Variants in KANSL2 observed in about 807,000 individuals in gnomAD.
KANSL2 encodes KAT8 regulatory NSL complex subunit 2.
A neutral mutation model predicts 55.6 loss-of-function variants in KANSL2; 34 were observed. The observed-to-expected ratio is 0.61, with a 90% confidence interval of 0.46 to 0.81. The LOEUF is 0.81. Ranked by LOEUF, KANSL2 falls within the 40% of genes least tolerant of loss-of-function variation. KANSL2 has a pLI of 0.00. For synonymous variants in KANSL2, 209 were observed against 214.3 expected (o/e 0.98, Z 0.22); for missense variants, 502 against 609.9 (o/e 0.82, Z 1.86).
Position 48,653,986 on chromosome 12 carries a change from T to C in KANSL2, c.*58A>G. ...GTGTTTTGTGAGAGATGATCAGAAA[T>C]ACTTCTTTGAAGAACGAGAAATTTA... On this transcript the variant is annotated 3_prime_UTR_variant, in exon 10 of 10. Coordinates refer to ENST00000420613, the MANE Select transcript of KANSL2 (RefSeq NM_017822.4). 1 of 1,489,988 alleles carries C rather than the reference T, an allele frequency of 6.7e-7. No individual in the cohort carries two copies. The highest frequency in any genetic ancestry group is 9.0e-7 in the Non-Finnish European group (1 of 1,112,608). 92.3% of individuals were successfully genotyped at this position (1,489,988 alleles called of 1,614,324 possible).
intron 7 of KANSL2, chr12:48,662,757 CATT>C: frequency 1.4e-6 from 1 of 695,618 alleles, no homozygotes; most frequent in South Asian, 2.2e-5. Context: ...TTTTCAAATA[CATT>C]TTCAATTTTG....
In KANSL2 at chr12:48,681,683, C is replaced by T. The variant is rs749169638; in HGVS notation, c.-9-42G>A. On this transcript the variant is annotated intron_variant, in intron 1 of 9. Transcript: ENST00000420613. ...AAGACCAAAAAGCCCTTACCCTTCCCGAAAATTCCTGCTCCACACAGATCG... is the reference window on the plus strand; with the variant it reads ...AAGACCAAAAAGCCCTTACCCTTCCTGAAAATTCCTGCTCCACACAGATCG... 3.1e-6 allele frequency: 5 copies of T among 1,612,820 alleles called. No individual in the cohort carries two copies. In the South Asian group the frequency reaches 4.4e-5, roughly 14 times the overall value.
chr12:48,664,039 C>T (rs1320144097), intron 7 of KANSL2, among the ~76,000 whole-genome samples: 2 of 151,040 alleles, frequency 1.3e-5, no homozygotes, highest in East Asian at 2.0e-4. Flanking sequence ...CTCAGCCTCC[C>T]GAGTAGCTGG....
intron 7 of KANSL2, chr12:48,662,544 G>A: frequency 7.9e-7 from 1 of 1,260,266 alleles, no homozygotes; most frequent in Middle Eastern, 2.2e-4. Context: ...TAAAAAGAAG[G>A]GAATGGTTAA....
At chr12:48,654,480 A>G (rs201140554) in intron 9 of KANSL2, 2 of 652,462 alleles carry the variant, frequency 3.1e-6, no homozygotes, top group African/African-American at 3.6e-5. Context: ...CTTGAAACCA[A>G]CAGCCACAGT....
chr12:48,658,442 G>A (rs746663598), intron 8 of KANSL2, among the ~76,000 whole-genome samples: 3 of 152,106 alleles, frequency 2.0e-5, no homozygotes, highest in African/African-American at 4.8e-5. Flanking sequence ...AAAAATTGAA[G>A]TATCAGGATA....
intron 1 of KANSL2, chr12:48,681,983 C>G (rs1404748007): frequency 1.4e-6 from 1 of 702,978 alleles, no homozygotes; most frequent in East Asian, 2.7e-5. Flanking sequence ...TCAGAGCGCA[C>G]GACTGGGCCT....
At chr12:48,679,384 T>G in intron 3 of KANSL2, 1 of 616,402 alleles carries the variant, frequency 1.6e-6, no homozygotes, top group South Asian at 1.9e-5. Context: ...AAAAATCAAC[T>G]TAAAATTACT....
At chr12:48,669,057 CAATA>C in intron 6 of KANSL2, 45 bp downstream of exon 6, 2 of 1,386,878 alleles carry the variant, frequency 1.4e-6, no homozygotes, top group Non-Finnish European at 1.9e-6. Context: ...AAAATAAAAA[CAATA>C]AATAAAGTGA....
intron 8 of KANSL2, among the ~76,000 whole-genome samples, chr12:48,659,139 C>G (rs923843012): frequency 1.3e-5 from 2 of 151,548 alleles, no homozygotes; most frequent in African/African-American, 4.9e-5. Flanking sequence ...ACAAAAAATA[C>G]AAAAATCAGC....
At chr12:48,667,074 G>A (rs975274644) in intron 7 of KANSL2, among the ~76,000 whole-genome samples, 3 of 151,714 alleles carry the variant, frequency 2.0e-5, no homozygotes, top group Non-Finnish European at 4.4e-5. Context: ...CCAGCTACTC[G>A]GAGAATCGCT....
chr12:48,661,435 C>T (rs1939486300), intron 7 of KANSL2, among the ~76,000 whole-genome samples: 2 of 152,138 alleles, frequency 1.3e-5, no homozygotes, highest in Non-Finnish European at 2.9e-5. Flanking sequence ...ATTCAAGTTA[C>T]TTTACAAAAC....
Position 48,679,168 on chromosome 12 carries a change from G to C in KANSL2, c.431-18C>G. 6.4e-7 allele frequency: 1 copy of C among 1,565,046 alleles called. No homozygotes were observed. Among genetic ancestry groups the C allele is most frequent in the Non-Finnish European group, 8.8e-7 (1 of 1,137,702 alleles). On this transcript the variant is annotated intron_variant, in intron 3 of 9. Transcript: ENST00000420613. ...GTCTTCATCTGAGGCAAGGAAGGGA[G>C]AGCAGCCATTAAGACTTCCCACCTC... is the stretch of plus-strand genomic sequence containing the variant.
rs1939875254 is a variant in KANSL2 at position 48,679,166 on chromosome 12, G to A, written c.431-16C>T. 6 of 1,574,596 alleles carry A rather than the reference G, an allele frequency of 3.8e-6. No individual in the cohort carries two copies. The highest frequency in any genetic ancestry group is 1.3e-5 in the African/African-American group (1 of 74,084). On this transcript the variant is annotated splice_polypyrimidine_tract_variant and intron_variant, in intron 3 of 9. Transcript: ENST00000420613. ...CTGTCTTCATCTGAGGCAAGGAAGGGAGAGCAGCCATTAAGACTTCCCACC... is the reference window on the plus strand; with the variant it reads ...CTGTCTTCATCTGAGGCAAGGAAGGAAGAGCAGCCATTAAGACTTCCCACC...
intron 4 of KANSL2, among the ~76,000 whole-genome samples, chr12:48,673,907 C>A (rs140023820): frequency 6.7e-6 from 1 of 149,784 alleles, no homozygotes; most frequent in Non-Finnish European, 1.5e-5. Flanking sequence ...GCTGAGATGG[C>A]GCCACTGCAC....
Position 48,681,408 on chromosome 12 carries a change from A to T in KANSL2, c.225T>A (p.Ala75=). ...STKNGKRCPN[A]APKPEKKDGV... is the part of the protein sequence containing the mutation. ...CATCTTTCTTCTCTGGCTTTGGGGC[A>T]GCATTGGGACATCTTTTTCCATTCT... Residue 75 remains alanine, a synonymous_variant, in exon 2 of 10, where the codon GCT becomes GCA. Transcript: ENST00000420613. 2 of 1,613,686 alleles carry T rather than the reference A, an allele frequency of 1.2e-6. No homozygotes were observed. Among genetic ancestry groups the T allele is most frequent in the Non-Finnish European group, 1.7e-6 (2 of 1,179,732 alleles).
In KANSL2 at chr12:48,665,239, A is replaced by T. The variant is rs1939572181; in HGVS notation, c.973+2454T>A. Among the ~76,000 whole-genome samples the T allele has an allele frequency of 2.6e-5, 4 of 152,212 alleles. No homozygotes were observed. The South Asian group carries it at 8.3e-4, about 32-fold the overall frequency. On this transcript the variant is annotated intron_variant, in intron 7 of 9. Coordinates refer to ENST00000420613, the MANE Select transcript of KANSL2 (RefSeq NM_017822.4). ...AAAATCAGCTTCCTGTCAAAAGACTAAGAAGAGGTTCTCCTTCTCCTCTCC... is the reference window on the plus strand; with the variant it reads ...AAAATCAGCTTCCTGTCAAAAGACTTAGAAGAGGTTCTCCTTCTCCTCTCC...
At chr12:48,676,672 G>C (rs986151955) in intron 4 of KANSL2, among the ~76,000 whole-genome samples, 1 of 151,912 alleles carries the variant, frequency 6.6e-6, no homozygotes, top group African/African-American at 2.4e-5. Context: ...AAAAAAAAGT[G>C]CGAGGATTAC....
intron 4 of KANSL2, among the ~76,000 whole-genome samples, chr12:48,677,707 C>T (rs1939848195): frequency 6.9e-6 from 1 of 144,652 alleles, no homozygotes; most frequent in African/African-American, 2.6e-5. Context: ...ATTGCTTGAA[C>T]CTGGGAGGCG....
Sources: gnomAD v4.1 joint callset for allele counts (sites outside exome capture counted in the v4.1 genomes callset) on GRCh38, gnomAD v4.1.1 for gene constraint, MANE v1.5 for transcripts, NCBI Gene and HGNC (gene_info 2026-07-23, HGNC 2026-07-21) for gene names.